Variants in ITCH observed in about 807,000 individuals in gnomAD.
The protein encoded by ITCH is itchy E3 ubiquitin protein ligase, also known as E3 ubiquitin-protein ligase Itchy homolog.
In ITCH, 28 loss-of-function variants were observed where a neutral mutation model predicts 126.8. The ratio of observed to expected loss-of-function variants is 0.22; its 90% CI spans 0.16 to 0.30. ITCH has a LOEUF of 0.30. Ranked by LOEUF, ITCH falls within the 10% of genes least tolerant of loss-of-function variation. The pLI is 1.00. For missense variants in ITCH, 631 were observed against 1,032.4 expected (o/e 0.61, Z 5.33); for synonymous variants, 342 against 340.0 (o/e 1.01, Z -0.06).
At chr20:34,377,608 A>C (rs2037896186) in intron 2 of ITCH, among the ~76,000 whole-genome samples, 1 of 152,068 alleles carries the variant, frequency 6.6e-6, no homozygotes, top group Non-Finnish European at 1.5e-5. Flanking sequence ...TTACACCTGT[A>C]ATCCCAGCAC....
At chr20:34,492,865 C>T (rs148322407) in intron 23 of ITCH, among the ~76,000 whole-genome samples, 3 of 152,332 alleles carry the variant, frequency 2.0e-5, no homozygotes, top group Non-Finnish European at 2.9e-5. Flanking sequence ...ATTTGCCAAA[C>T]ATGTGTGTCT....
chr20:34,459,948 T>C (rs1406448128), intron 13 of ITCH, among the ~76,000 whole-genome samples: 2 of 152,224 alleles, frequency 1.3e-5, no homozygotes, highest in Non-Finnish European at 2.9e-5. Context: ...AGAAGTCACC[T>C]TTCTATAATT....
At chr20:34,456,251 G>A (rs1232766012) in intron 12 of ITCH, among the ~76,000 whole-genome samples, 2 of 77,838 alleles carry the variant, frequency 2.6e-5, no homozygotes, top group African/African-American at 1.1e-4. Flanking sequence ...TTGAGACAGG[G>A]CCTCACTTTG....
At chr20:34,369,310 C>T (rs958656761) in intron 1 of ITCH, 84 bp from the exon 2 acceptor site, 15 of 386,234 alleles carry the variant, frequency 3.9e-5, no homozygotes, top group South Asian at 1.4e-4. Flanking sequence ...TCTAGCCTGG[C>T]GACAGAGCAA....
intron 14 of ITCH, among the ~76,000 whole-genome samples, chr20:34,465,643 C>G (rs1314506391): frequency 6.6e-6 from 1 of 151,818 alleles, no homozygotes; most frequent in African/African-American, 2.4e-5. Context: ...TTGATTAATT[C>G]CTAAGTATTT....
intron 2 of ITCH, among the ~76,000 whole-genome samples, chr20:34,373,337 G>A (rs2037712229): frequency 6.6e-6 from 1 of 150,462 alleles, no homozygotes; most frequent in Non-Finnish European, 1.5e-5. Context: ...GTGCAGTGGT[G>A]TAATCTTGGC....
chr20:34,490,476 C>G (rs143512637), intron 22 of ITCH, among the ~76,000 whole-genome samples: 12 of 152,246 alleles, frequency 7.9e-5, no homozygotes, highest in Middle Eastern at 6.8e-3. Flanking sequence ...CAAGACCGTC[C>G]TGGCTAACAC....
At chr20:34,381,968 C>T (rs1280442956) in intron 2 of ITCH, among the ~76,000 whole-genome samples, 1 of 152,056 alleles carries the variant, frequency 6.6e-6, no homozygotes, top group East Asian at 1.9e-4. Flanking sequence ...AAAATCTTTG[C>T]CTTACTGGAC....
chr20:34,463,416 G>T (rs1986728918), intron 14 of ITCH, among the ~76,000 whole-genome samples: 2 of 152,126 alleles, frequency 1.3e-5, no homozygotes, highest in Admixed American at 1.3e-4. Context: ...GATGACTTTT[G>T]TATCTGTACC....
chr20:34,485,693 G>A (rs922646627), intron 20 of ITCH, among the ~76,000 whole-genome samples: 7 of 151,736 alleles, frequency 4.6e-5, no homozygotes, highest in South Asian at 4.2e-4. Flanking sequence ...TCTAGATTTC[G>A]TTCTTCTTTG....
At chr20:34,454,535 C>G (rs565362903) in intron 12 of ITCH, 1 of 152,134 alleles carries the variant, frequency 6.6e-6, no homozygotes, top group Admixed American at 6.6e-5. Flanking sequence ...CAGAGTCCCA[C>G]TTTTCTGTAT....
At position 34,511,126 on chromosome 20, in the gene ITCH, C is replaced by G. The variant is rs1978760926; in HGVS notation, c.*3332C>G. 6.6e-6 allele frequency: 1 copy of G among 152,070 alleles called. No homozygotes were observed. Among genetic ancestry groups the G allele is most frequent in the Non-Finnish European group, 1.5e-5 (1 of 68,006 alleles). The allele number at this position is 152,070 out of a possible 1,614,324, so 9.4% of individuals were successfully genotyped here. ...TTTAGTATTGTTGGTATCTCCAGCC[C>G]CCCTCCTTTTTTTGTTTTTCTTTTA... On this transcript the variant is annotated 3_prime_UTR_variant, in exon 25 of 25. Transcript: ENST00000374864.
chr20:34,392,807 T>C (rs980352467), intron 2 of ITCH, among the ~76,000 whole-genome samples: 4 of 152,100 alleles, frequency 2.6e-5, no homozygotes, highest in Non-Finnish European at 4.4e-5. Context: ...GACCTCCTGG[T>C]TGGGGAGTGG....
chr20:34,375,739 G>A (rs1158329164), intron 2 of ITCH, among the ~76,000 whole-genome samples: 6 of 54,650 alleles, frequency 1.1e-4, no homozygotes, highest in South Asian at 5.3e-4. Context: ...TTTACCAGTT[G>A]CTGTGGCTCA....
chr20:34,489,685 T>A lies in ITCH; in HGVS notation c.2215-137T>A. ...CTTGCCTTCATGAGCAATGTAGATA[T>A]AATTCTTGATGTATAGTTGATAAGT... On this transcript the variant is annotated intron_variant, in intron 21 of 24. Coordinates refer to ENST00000374864, the MANE Select transcript of ITCH (RefSeq NM_031483.7). 1.4e-5 allele frequency: 10 copies of A among 734,368 alleles called. No individual in the cohort carries two copies. In the South Asian group the frequency reaches 1.5e-4, roughly 11 times the overall value. The allele number at this position is 734,368 out of a possible 1,614,324, so 45.5% of individuals were successfully genotyped here. A position where few individuals can be genotyped will look rare whatever the true frequency, so the allele number is the denominator to read the frequency against.
At chr20:34,485,445 C>T (rs1049889717) in intron 20 of ITCH, among the ~76,000 whole-genome samples, 2 of 152,162 alleles carry the variant, frequency 1.3e-5, no homozygotes, top group Non-Finnish European at 2.9e-5. Context: ...AGTAATATCT[C>T]GTGGTTTTAA....
At chr20:34,366,579 A>T (rs1159580943) in intron 1 of ITCH, among the ~76,000 whole-genome samples, 1 of 152,040 alleles carries the variant, frequency 6.6e-6, no homozygotes, top group Non-Finnish European at 1.5e-5. Context: ...GTAGAAATAG[A>T]TACAGGGCTG....
intron 1 of ITCH, among the ~76,000 whole-genome samples, chr20:34,364,443 A>G (rs890599565): frequency 6.6e-6 from 1 of 152,156 alleles, no homozygotes; most frequent in African/African-American, 2.4e-5. Flanking sequence ...ATCTTCAGGA[A>G]GTATGTAAAG....
At chr20:34,441,410 A>AT (rs1041858040) in intron 9 of ITCH, among the ~76,000 whole-genome samples, 25 of 151,676 alleles carry the variant, frequency 1.6e-4, no homozygotes, top group African/African-American at 5.8e-4. Context: ...CTCAGGTGTA[A>AT]TTTTTTCTTG....
Sources: allele counts gnomAD v4.1 joint callset (sites outside exome capture counted in the v4.1 genomes callset), GRCh38; gene constraint gnomAD v4.1.1; transcripts MANE v1.5; gene names NCBI Gene and HGNC (gene_info 2026-07-23, HGNC 2026-07-21).